The following MAEL variants were observed in gnomAD, a reference collection of about 807,000 sequenced individuals.
MAEL encodes the protein protein maelstrom homolog.
A neutral mutation model predicts 62.0 loss-of-function variants in MAEL; 46 were observed. The ratio of observed to expected loss-of-function variants is 0.74; its 90% CI spans 0.59 to 0.95. The LOEUF (loss-of-function observed/expected upper bound fraction) is 0.95, where lower values mean the gene tolerates loss of function less well. MAEL is among the 40% of genes least tolerant of loss of function. The pLI is 0.00. For synonymous variants in MAEL, 172 were observed against 175.5 expected (o/e 0.98, Z 0.16); for missense variants, 497 against 526.8 (o/e 0.94, Z 0.55).
At chr1:167,005,582 A>C (rs1477588046) in intron 8 of MAEL, 185 bp downstream of exon 8, 5 of 484,594 alleles carry the variant, frequency 1.0e-5, no homozygotes, top group Non-Finnish European at 1.8e-5. Flanking sequence ...ACTAAAAACA[A>C]ACCTGCCAAA....
intron 5 of MAEL, among the ~76,000 whole-genome samples, chr1:167,002,021 T>A (rs1287540723): frequency 6.6e-6 from 1 of 152,218 alleles, no homozygotes; most frequent in Non-Finnish European, 1.5e-5. Context: ...TCTCAAGTGG[T>A]CTGCCCACCT....
chr1:167,012,554 G>A (rs895432055), intron 8 of MAEL: 34 of 152,160 alleles, frequency 2.2e-4, no homozygotes, highest in African/African-American at 5.6e-4. Context: ...GAAGCTAACA[G>A]TTAAGTAGGA....
chr1:167,008,858 TG>T (rs1286147743), intron 8 of MAEL, among the ~76,000 whole-genome samples: 1 of 152,146 alleles, frequency 6.6e-6, no homozygotes, highest in Non-Finnish European at 1.5e-5. Flanking sequence ...TTCTGCATTT[TG>T]TTTCTTTTAG....
intron 9 of MAEL, among the ~76,000 whole-genome samples, chr1:167,016,898 CAT>C (rs1390478288): frequency 1.3e-5 from 2 of 152,088 alleles, no homozygotes; most frequent in African/African-American, 4.8e-5. Flanking sequence ...ATAAACATCT[CAT>C]GTGCTCACTT....
chr1:166,994,471 A>T (rs529350658), intron 5 of MAEL, among the ~76,000 whole-genome samples: 3 of 152,238 alleles, frequency 2.0e-5, no homozygotes, highest in African/African-American at 7.2e-5. Context: ...TAAGGAAAAC[A>T]GTTTTCTAAG....
At chr1:167,000,931 G>A (rs143699261) in intron 5 of MAEL, among the ~76,000 whole-genome samples, 4 of 152,300 alleles carry the variant, frequency 2.6e-5, no homozygotes, top group South Asian at 2.1e-4. Context: ...GAAGTCATAC[G>A]AAAAGGATAA....
chr1:166,987,322 A>T (rs1663953110), upstream of MAEL, among the ~76,000 whole-genome samples: 1 of 152,094 alleles, frequency 6.6e-6, no homozygotes, highest in Admixed American at 6.5e-5. Context: ...CACTCAACAA[A>T]ATTTCAAAAT....
intron 5 of MAEL, among the ~76,000 whole-genome samples, chr1:166,999,013 T>C (rs1172963576): frequency 6.6e-6 from 1 of 151,810 alleles, no homozygotes; most frequent in East Asian, 1.9e-4. Flanking sequence ...ACTGCTCCCC[T>C]GACTGGCCAT....
intron 1 of MAEL, among the ~76,000 whole-genome samples, chr1:166,980,537 C>T (rs561520553): frequency 1.3e-5 from 2 of 152,226 alleles, no homozygotes; most frequent in Admixed American, 1.3e-4. Context: ...TACACCTGCT[C>T]TCATTATGTC....
chr1:167,006,736 A>G (rs187702553), intron 8 of MAEL, among the ~76,000 whole-genome samples: 22 of 150,154 alleles, frequency 1.5e-4, no homozygotes, highest in African/African-American at 5.1e-4. Flanking sequence ...CCCAGGTTCA[A>G]GTGATTCTCG....
chr1:166,991,695 C>A (rs1420361996), intron 3 of MAEL, among the ~76,000 whole-genome samples: 4 of 151,388 alleles, frequency 2.6e-5, no homozygotes, highest in Non-Finnish European at 5.9e-5. Context: ...TTCTCTGTTT[C>A]TACCACTTTA....
chr1:167,013,206 T>C (rs1329120877), intron 8 of MAEL, among the ~76,000 whole-genome samples: 1 of 152,174 alleles, frequency 6.6e-6, no homozygotes, highest in Admixed American at 6.5e-5. Flanking sequence ...GTCAGCATTC[T>C]TTTCACTATG....
chr1:167,021,195 A>G, intron 11 of MAEL, 35 bp downstream of exon 11: 1 of 1,395,276 alleles, frequency 7.2e-7, no homozygotes, highest in Non-Finnish European at 1.0e-6. Context: ...ATGCACCTAA[A>G]GGATGTTAGA....
chr1:167,019,731 A>G (rs923901015), intron 10 of MAEL, among the ~76,000 whole-genome samples: 1 of 152,038 alleles, frequency 6.6e-6, no homozygotes, highest in Non-Finnish European at 1.5e-5. Flanking sequence ...ATTCCTAGGC[A>G]TTGAATTTCC....
intron 1 of MAEL, among the ~76,000 whole-genome samples, chr1:166,981,136 G>C (rs774291682): frequency 2.1e-4 from 32 of 152,166 alleles, no homozygotes; most frequent in Non-Finnish European, 3.1e-4. Context: ...AAAGACCAGG[G>C]TTAGAAAACA....
intron 5 of MAEL, among the ~76,000 whole-genome samples, chr1:166,996,052 A>G (rs1664411309): frequency 6.6e-6 from 1 of 152,238 alleles, no homozygotes; most frequent in Admixed American, 6.5e-5. Context: ...GAGCTTACCA[A>G]TTTGAGTGTG....
At chr1:166,997,117 C>T (rs541395352) in intron 5 of MAEL, among the ~76,000 whole-genome samples, 47 of 152,352 alleles carry the variant, frequency 3.1e-4, no homozygotes, top group African/African-American at 1.1e-3. Context: ...TGAGCCACCA[C>T]GCCTGGCCCC....
chr1:166,989,626 C>G, intron 1 of MAEL, 111 bp from the exon 2 acceptor site: 2 of 1,459,938 alleles, frequency 1.4e-6, no homozygotes, highest in Non-Finnish European at 1.9e-6. Context: ...TGGCCCTGGG[C>G]AAACCGACAC....
At position 166,992,732 on chromosome 1, in the gene MAEL, C is replaced by T. The variant is rs1465026142; in HGVS notation, c.372C>T (p.Gly124=). The change falls in exon 4 of 12, where the codon GGC becomes GGT. Residue 124 remains glycine, a synonymous_variant. Transcript: ENST00000367872. ...ATTTTTTGAACATTTTTAGCCATGG[C>T]GAGCTACCTCCTCATTGTGAACAGC... is the stretch of plus-strand genomic sequence containing the variant. ...IFYFLNIFSH[G]ELPPHCEQRF... is the part of the protein sequence containing the mutation. 8.7e-6 allele frequency: 14 copies of T among 1,606,470 alleles called. No individual in the cohort carries two copies. Among genetic ancestry groups the T allele is most frequent in the African/African-American group, 1.3e-5 (1 of 74,302 alleles).
Sources: allele counts gnomAD v4.1 joint callset (sites outside exome capture counted in the v4.1 genomes callset), GRCh38; gene constraint gnomAD v4.1.1; transcripts MANE v1.5; gene names NCBI Gene and HGNC (gene_info 2026-07-23, HGNC 2026-07-21).